XRCC1: variants seen among roughly 807,000 people sequenced by gnomAD.
The protein encoded by XRCC1 is X-ray repair cross complementing 1, also known as DNA repair protein XRCC1.
A neutral mutation model predicts 83.3 loss-of-function variants in XRCC1; 52 were observed. The observed-to-expected ratio is 0.62, with a 90% CI of 0.50 to 0.79. The LOEUF is 0.79. Ranked by LOEUF, XRCC1 falls within the 30% of genes least tolerant of loss-of-function variation. The pLI is 0.00. For synonymous variants in XRCC1, 281 were observed against 312.6 expected (o/e 0.90, Z 1.07); for missense variants, 793 against 823.5 (o/e 0.96, Z 0.45).
chr19:43,545,707 G>A (rs750225921), intron 14 of XRCC1, 111 bp downstream of exon 14: 62 of 1,423,420 alleles, frequency 4.4e-5, no homozygotes, highest in Non-Finnish European at 5.8e-5. Context: ...AGGAAGGAGA[G>A]GGGAGGCAAG....
Position 43,546,953 on chromosome 19 carries a change from G to A in XRCC1, c.1224C>T (p.Ser408=). The part of the protein sequence containing the change: ...SQRYLMAGPG[S]SSEEDEASHS... Reference sequence around the variant, plus strand: ...GAGAGGCCTCATCCTCCTCACTGCTGGAACCTGGCCCTGCCATGAGGTACC... The same window carrying A: ...GAGAGGCCTCATCCTCCTCACTGCTAGAACCTGGCCCTGCCATGAGGTACC... The change falls in exon 11 of 17, where the codon TCC becomes TCT. Residue 408 remains serine, a synonymous_variant. Coordinates refer to ENST00000262887, the MANE Select transcript of XRCC1 (RefSeq NM_006297.3). 1 of 1,614,010 alleles carries A rather than the reference G, an allele frequency of 6.2e-7. No homozygotes were observed. The highest frequency in any genetic ancestry group is 8.5e-7 in the Non-Finnish European group (1 of 1,180,010).
At chr19:43,545,690 TG>T (rs1158636915) in intron 14 of XRCC1, 127 bp downstream of exon 14, 5 of 1,196,884 alleles carry the variant, frequency 4.2e-6, no homozygotes, top group Non-Finnish European at 5.9e-6. Flanking sequence ...AGGCAGGGAG[TG>T]GGTTGAGGAA....
chr19:43,543,361 TGTG>T lies in XRCC1; in HGVS notation c.*28_*30del. The stretch of plus-strand genomic sequence containing the variant: ...TGCATCGTGTGTGTGTGTGTGTGTG[TGTG>T]TGTGTGTGTGTGTGTATAGCACATA... On this transcript the variant is annotated 3_prime_UTR_variant, in exon 17 of 17. Coordinates refer to ENST00000262887, the MANE Select transcript of XRCC1 (RefSeq NM_006297.3). 1 of 1,393,764 alleles carries T rather than the reference TGTG, an allele frequency of 7.2e-7. No individual in the cohort carries two copies. The highest frequency in any genetic ancestry group is 1.0e-6 in the Non-Finnish European group (1 of 989,026). 86.3% of individuals were successfully genotyped at this position (1,393,764 alleles called of 1,614,324 possible). A position where few individuals can be genotyped will look rare whatever the true frequency, so the allele number is the denominator to read the frequency against.
At chr19:43,562,316 T>C (rs1972707803) in intron 2 of XRCC1, among the ~76,000 whole-genome samples, 3 of 152,124 alleles carry the variant, frequency 2.0e-5, no homozygotes, top group Admixed American at 2.0e-4. Flanking sequence ...GGAGGGAGCC[T>C]GGACTTGGGG....
chr19:43,543,716 G>A (rs1460135718), intron 15 of XRCC1, 29 bp from the exon 16 acceptor site: 2 of 1,606,712 alleles, frequency 1.2e-6, no homozygotes, highest in East Asian at 2.2e-5. Context: ...AGAGGTAGAA[G>A]GCACATCAGG....
intron 2 of XRCC1, among the ~76,000 whole-genome samples, chr19:43,565,820 T>C (rs1451633247): frequency 6.6e-6 from 1 of 151,876 alleles, no homozygotes. Flanking sequence ...ACCTCAATAA[T>C]CCCAGCTACT....
intron 2 of XRCC1, among the ~76,000 whole-genome samples, chr19:43,574,238 G>A (rs1174287760): frequency 6.6e-6 from 1 of 151,902 alleles, no homozygotes; most frequent in Non-Finnish European, 1.5e-5. Flanking sequence ...ACCATACTCA[G>A]CTAATCTATA....
rs1336557543 is a variant in XRCC1, at chr19:43,544,145, C to T, written c.1711G>A (p.Gly571Arg). Residue 571 changes from glycine to arginine, a missense_variant and splice_region_variant, in exon 15 of 17, where the codon GGG becomes AGG. Gly to Arg is a moderately radical substitution (Grantham distance 125). Coordinates refer to ENST00000262887, the MANE Select transcript of XRCC1 (RefSeq NM_006297.3). ...KLIRYVTAFN[G>R]ELEDYMSDRV... ...CCACCCCAGTCCCTGGAGACTCACC[C>T]ATTGAAGGCTGTGACGTATCGGATG... is the stretch of plus-strand genomic sequence containing the variant. 6.2e-7 allele frequency: 1 copy of T among 1,606,098 alleles called. No homozygotes were observed. The highest frequency in any genetic ancestry group is 8.5e-7 in the Non-Finnish European group (1 of 1,176,190).
intron 2 of XRCC1, among the ~76,000 whole-genome samples, chr19:43,570,439 C>A (rs1250675617): frequency 6.6e-6 from 1 of 152,142 alleles, no homozygotes; most frequent in African/African-American, 2.4e-5. Context: ...GTGGTAAGAT[C>A]GAGATTTTGC....
rs544412063 is a variant in XRCC1 at position 43,551,512 on chromosome 19, C to T, written c.1199+59G>A. 168 of 1,475,886 alleles carry T rather than the reference C, an allele frequency of 1.1e-4. No homozygotes were observed. The African/African-American group carries it at 2.1e-3, about 18-fold the overall frequency. 91.4% of individuals were successfully genotyped at this position (1,475,886 alleles called of 1,614,324 possible). A position where few individuals can be genotyped will look rare whatever the true frequency, so the allele number is the denominator to read the frequency against. On this transcript the variant is annotated intron_variant, in intron 10 of 16. Transcript: ENST00000262887. Reference sequence around the variant, plus strand: ...GGCAGGCCCCAGTCTGACTCCCCTCCAGATTCCTGGCATTGCCCAGCACAG... The same window carrying T: ...GGCAGGCCCCAGTCTGACTCCCCTCTAGATTCCTGGCATTGCCCAGCACAG...
intron 10 of XRCC1, among the ~76,000 whole-genome samples, chr19:43,550,784 T>G (rs939009082): frequency 3.9e-5 from 6 of 152,172 alleles, no homozygotes; most frequent in Non-Finnish European, 8.8e-5. Context: ...CTGTTCAGCC[T>G]GAAAAACCTC....
rs34680972 is a variant in XRCC1 at position 43,566,531 on chromosome 19, CAAAA to C, written c.145-5515_145-5512del. Among the ~76,000 whole-genome samples the C allele has an allele frequency of 5.4e-3, 357 of 66,546 alleles. 1 individual carries two copies. Among genetic ancestry groups the C allele is most frequent in the Middle Eastern group, 0.018 (2 of 112 alleles). 43.7% of individuals were successfully genotyped at this position (66,546 alleles called of 152,430 possible). A position where few individuals can be genotyped will look rare whatever the true frequency, so the allele number is the denominator to read the frequency against. The stretch of plus-strand genomic sequence containing the variant: ...TGGGTGGCAGAGCAAGACTCTGTCT[CAAAA>C]AAAAAAAAAAAAAAAGTAAATAAAT... On this transcript the variant is annotated intron_variant, in intron 2 of 16. Transcript: ENST00000262887.
chr19:43,548,779 A>AAAAAAAAAAAC (rs1213062759), intron 10 of XRCC1, among the ~76,000 whole-genome samples: 3 of 141,740 alleles, frequency 2.1e-5, no homozygotes, highest in East Asian at 2.2e-4. Flanking sequence ...AAAAAAAAAA[A>AAAAAAAAAAAC]AAAAAAACAC....
At chr19:43,547,609 G>A (rs1460505364) in intron 10 of XRCC1, among the ~76,000 whole-genome samples, 1 of 151,782 alleles carries the variant, frequency 6.6e-6, no homozygotes, top group Admixed American at 6.6e-5. Flanking sequence ...AGCCTCCCCA[G>A]TAACTGCGAT....
In XRCC1 at chr19:43,545,961, G is replaced by C. The variant is rs550746157; in HGVS notation, c.1482-4C>G. 6 of 1,613,682 alleles carry C rather than the reference G, an allele frequency of 3.7e-6. No homozygotes were observed. The highest frequency in any genetic ancestry group is 5.1e-6 in the Non-Finnish European group (6 of 1,179,858). On this transcript the variant is annotated splice_polypyrimidine_tract_variant and splice_region_variant and intron_variant, in intron 13 of 16. Transcript: ENST00000262887. ...GTGTTCCTTCTGCTCTGCCACCCTG[G>C]GGGTGCCAAGAGGAGTAGAGAGTGA... is the stretch of plus-strand genomic sequence containing the variant.
At position 43,543,341 on chromosome 19, in the gene XRCC1, CGTGTGTGTGTGTGTGTGTGTGTGT is replaced by C. The variant is rs45592142; in HGVS notation, c.*27_*50del. On this transcript the variant is annotated 3_prime_UTR_variant, in exon 17 of 17. Transcript: ENST00000262887. The stretch of plus-strand genomic sequence containing the variant: ...ACCAACTCATCTTTATTAAATGCAT[CGTGTGTGTGTGTGTGTGTGTGTGT>C]GTGTGTGTGTGTGTATAGCACATAC... The C allele has an allele frequency of 3.6e-5, 38 of 1,044,442 alleles. No homozygotes were observed. The highest frequency in any genetic ancestry group is 4.9e-5 in the Non-Finnish European group (34 of 700,276). The allele number at this position is 1,044,442 out of a possible 1,614,324, so 64.7% of individuals were successfully genotyped here.
At chr19:43,574,101 G>A (rs1457028294) in intron 2 of XRCC1, among the ~76,000 whole-genome samples, 1 of 151,878 alleles carries the variant, frequency 6.6e-6, no homozygotes, top group Non-Finnish European at 1.5e-5. Flanking sequence ...ATATTTTGGG[G>A]GTCTCACTCT....
intron 2 of XRCC1, among the ~76,000 whole-genome samples, chr19:43,562,161 A>AG (rs1370860674): frequency 6.6e-6 from 1 of 151,520 alleles, no homozygotes; most frequent in African/African-American, 2.4e-5. Context: ...AAAAAAAAAA[A>AG]AAAACCAAGG....
chr19:43,557,343 C>G (rs1016711057), intron 3 of XRCC1, among the ~76,000 whole-genome samples: 1 of 150,854 alleles, frequency 6.6e-6, no homozygotes, highest in Non-Finnish European at 1.5e-5. Context: ...ATGAATGCAG[C>G]CACTTTTGGT....
Sources: gnomAD v4.1 joint callset for allele counts (sites outside exome capture counted in the v4.1 genomes callset) on GRCh38, gnomAD v4.1.1 for gene constraint, MANE v1.5 for transcripts, NCBI Gene and HGNC (gene_info 2026-07-23, HGNC 2026-07-21) for gene names.